The following MEI4 variants were observed in gnomAD, a reference collection of about 807,000 sequenced individuals.
MEI4 encodes meiosis-specific protein MEI4.
MEI4 carries 27 observed loss-of-function variants against 31.4 expected under a neutral mutation model. The observed-to-expected ratio is 0.86, with a 90% CI of 0.63 to 1.19. MEI4 has a LOEUF of 1.19. Among genes scored for constraint, MEI4 ranks in the 50% most tolerant of loss-of-function variants. MEI4 has a pLI of 0.00. For synonymous variants in MEI4, 122 were observed against 145.4 expected, an observed-to-expected ratio of 0.84 and a Z score of 1.16; for missense variants, 329 against 398.9, an observed-to-expected ratio of 0.82 and a Z score of 1.49.
intron 4 of MEI4, among the ~76,000 whole-genome samples, chr6:77,874,472 C>G (rs985830977): frequency 2.6e-5 from 4 of 152,178 alleles, no homozygotes; most frequent in African/African-American, 9.7e-5. Context: ...TGAGACTTTG[C>G]TGAAGTTGCT....
intron 4 of MEI4, among the ~76,000 whole-genome samples, chr6:77,835,811 GTATT>G (rs1411036158): frequency 6.6e-6 from 1 of 151,822 alleles, no homozygotes; most frequent in African/African-American, 2.4e-5. Context: ...TCTAAAATGA[GTATT>G]TGATAATAGT....
chr6:77,734,426 T>G (rs1767116229), intron 2 of MEI4, among the ~76,000 whole-genome samples: 1 of 152,104 alleles, frequency 6.6e-6, no homozygotes, highest in African/African-American at 2.4e-5. Context: ...TTTGTTGGTT[T>G]AAAGTCTGTT....
intron 4 of MEI4, among the ~76,000 whole-genome samples, chr6:77,844,276 G>A (rs1480820680): frequency 6.6e-6 from 1 of 152,092 alleles, no homozygotes; most frequent in Non-Finnish European, 1.5e-5. Context: ...AATTTTTTAA[G>A]AATAGAGTTC....
At chr6:77,669,322 A>G (rs1376707709) in intron 1 of MEI4, among the ~76,000 whole-genome samples, 1 of 152,052 alleles carries the variant, frequency 6.6e-6, no homozygotes, top group Non-Finnish European at 1.5e-5. Context: ...ATACTGAAAA[A>G]CTGGATTTTT....
At chr6:77,694,921 C>G (rs1303751040) in intron 2 of MEI4, among the ~76,000 whole-genome samples, 1 of 150,536 alleles carries the variant, frequency 6.6e-6, no homozygotes, top group East Asian at 2.0e-4. Context: ...CTCTCCAGCA[C>G]CTGTTGTTTC....
intron 3 of MEI4, among the ~76,000 whole-genome samples, chr6:77,807,682 T>G (rs1224053736): frequency 6.6e-6 from 1 of 152,150 alleles, no homozygotes; most frequent in Non-Finnish European, 1.5e-5. Flanking sequence ...GAACAGTGCT[T>G]GTCATAGAGT....
chr6:77,663,027 A>G (rs1768542037), intron 1 of MEI4, among the ~76,000 whole-genome samples: 1 of 152,112 alleles, frequency 6.6e-6, no homozygotes, highest in African/African-American at 2.4e-5. Flanking sequence ...AATAGTAAAG[A>G]AAGCATGTTT....
intron 1 of MEI4, among the ~76,000 whole-genome samples, chr6:77,680,232 TCG>T (rs1401360039): frequency 2.0e-5 from 3 of 150,552 alleles, no homozygotes; most frequent in African/African-American, 7.4e-5. Flanking sequence ...TGAGCCGAGA[TCG>T]CACCACCGCA....
At chr6:77,866,455 A>C (rs1396199242) in intron 4 of MEI4, among the ~76,000 whole-genome samples, 1 of 152,316 alleles carries the variant, frequency 6.6e-6, no homozygotes, top group East Asian at 1.9e-4. Flanking sequence ...CAGCCGAATC[A>C]TGAGTGAACT....
chr6:77,778,100 G>C (rs1208397622), intron 3 of MEI4, among the ~76,000 whole-genome samples: 1 of 144,966 alleles, frequency 6.9e-6, no homozygotes, highest in African/African-American at 2.5e-5. Context: ...TTGAAGAAAA[G>C]TGTGTGTATA....
rs552162659 is a variant in MEI4, at chr6:77,697,010, G to C, written c.232+6107G>C. ...TTAGTCTTGGGAGAGTGTATGTGTCGAGGAATTTATCCATTTCTTCTAGAT... is the reference window on the plus strand; with the variant it reads ...TTAGTCTTGGGAGAGTGTATGTGTCCAGGAATTTATCCATTTCTTCTAGAT... On this transcript the variant is annotated intron_variant, in intron 2 of 4. Transcript: ENST00000684080. 9.1e-3 allele frequency among the ~76,000 whole-genome samples: 1,385 copies of C among 152,130 alleles called. 16 individuals are homozygous for C. Among genetic ancestry groups the C allele is most frequent in the African/African-American group, 0.031 (1,272 of 41,522 alleles).
intron 2 of MEI4, among the ~76,000 whole-genome samples, chr6:77,695,971 G>T (rs1766025109): frequency 6.6e-6 from 1 of 152,036 alleles, no homozygotes; most frequent in Non-Finnish European, 1.5e-5. Flanking sequence ...CCTTGAAGAG[G>T]TCCTTCACAT....
intron 4 of MEI4, among the ~76,000 whole-genome samples, chr6:77,850,177 G>C (rs1378076580): frequency 6.6e-6 from 1 of 152,234 alleles, no homozygotes; most frequent in South Asian, 2.1e-4. Flanking sequence ...CACATCCCTT[G>C]TAAGTTGAAT....
chr6:77,706,702 T>C lies in MEI4; in HGVS notation c.232+15799T>C, dbSNP rs2127658460. On this transcript the variant is annotated intron_variant, in intron 2 of 4. Transcript: ENST00000684080. ...GAATGATTTGGTGCTGTCCTCATGG[T>C]AATGAGTGAGTTCCCTATGAGTTCA... Among the ~76,000 whole-genome samples, 3 of 152,264 alleles carry C rather than the reference T, an allele frequency of 2.0e-5. No individual in the cohort carries two copies. The Middle Eastern group carries it at 0.01, about 518-fold the overall frequency.
chr6:77,883,004 T>C (rs1272724352), intron 4 of MEI4, among the ~76,000 whole-genome samples: 1 of 151,976 alleles, frequency 6.6e-6, no homozygotes, highest in Admixed American at 6.5e-5. Flanking sequence ...CTATGGACAT[T>C]TTTTTTCCAG....
chr6:77,829,854 CT>C lies in MEI4; in HGVS notation c.900+796del, dbSNP rs559582232. 2.2e-4 allele frequency among the ~76,000 whole-genome samples: 33 copies of C among 152,164 alleles called. No individual in the cohort carries two copies. In the East Asian group the frequency reaches 6.4e-3, roughly 29 times the overall value. ...TTGTATATGTATGTAATTTAAATGG[CT>C]TTTAACAAAGTACTGACATCTAATG... is the stretch of plus-strand genomic sequence containing the variant. On this transcript the variant is annotated intron_variant, in intron 4 of 4. Transcript: ENST00000684080.
chr6:77,851,224 T>C (rs560277406), intron 4 of MEI4, among the ~76,000 whole-genome samples: 364 of 152,324 alleles, frequency 2.4e-3, no homozygotes, highest in African/African-American at 8.5e-3. Flanking sequence ...TGGAAGACTG[T>C]GGTGATTCCT....
At chr6:77,748,831 A>G (rs1399132493) in intron 2 of MEI4, among the ~76,000 whole-genome samples, 2 of 152,268 alleles carry the variant, frequency 1.3e-5, no homozygotes, top group Middle Eastern at 3.4e-3. Context: ...TTGAAGTTCA[A>G]AGTTCCCAGT....
At chr6:77,778,479 T>C (rs1035798257) in intron 3 of MEI4, among the ~76,000 whole-genome samples, 4 of 151,992 alleles carry the variant, frequency 2.6e-5, no homozygotes, top group African/African-American at 9.7e-5. Flanking sequence ...GGCAGGTGAA[T>C]TGCCTGAGCC....
Sources: gnomAD v4.1 joint callset for allele counts (sites outside exome capture counted in the v4.1 genomes callset) on GRCh38, gnomAD v4.1.1 for gene constraint, MANE v1.5 for transcripts, NCBI Gene and HGNC (gene_info 2026-07-23, HGNC 2026-07-21) for gene names.